Variants in NRXN3 observed in about 807,000 individuals in gnomAD.
The protein encoded by NRXN3 is neurexin 3, also known as neurexin III.
In NRXN3, 32 loss-of-function variants were observed where a neutral mutation model predicts 137.6. That is an observed-to-expected ratio of 0.23 (90% CI 0.18 to 0.31). NRXN3 has a LOEUF of 0.31. Ranked by LOEUF, NRXN3 falls within the 10% of genes least tolerant of loss-of-function variation. The pLI is 1.00. For synonymous variants in NRXN3, 798 were observed against 784.5 expected (o/e 1.02, Z -0.29); for missense variants, 1,574 against 2,062.5 (o/e 0.76, Z 4.59).
chr14:79,055,432 A>G (rs1472381516), intron 15 of NRXN3, among the ~76,000 whole-genome samples: 1 of 152,228 alleles, frequency 6.6e-6, no homozygotes, highest in African/African-American at 2.4e-5. Flanking sequence ...TGATGGAATC[A>G]AATGATGTAA....
At chr14:78,225,958 T>G (rs2064518646) in intron 1 of NRXN3, among the ~76,000 whole-genome samples, 2 of 132,100 alleles carry the variant, frequency 1.5e-5, no homozygotes, top group South Asian at 2.4e-4. Context: ...TTTTGGTGTG[T>G]GTGTGTGTGT....
intron 16 of NRXN3, among the ~76,000 whole-genome samples, chr14:79,469,048 C>T: frequency 6.6e-6 from 1 of 152,338 alleles, no homozygotes; most frequent in East Asian, 1.9e-4. Flanking sequence ...GAGATTTATG[C>T]TACATATAAC....
chr14:78,769,578 T>G (rs932856966), intron 8 of NRXN3, among the ~76,000 whole-genome samples: 3 of 152,204 alleles, frequency 2.0e-5, no homozygotes, highest in African/African-American at 7.2e-5. Context: ...TAGTTGCTCT[T>G]TAGGAGCTCA....
chr14:79,732,319 A>T (rs549908137), intron 19 of NRXN3, among the ~76,000 whole-genome samples: 1 of 152,296 alleles, frequency 6.6e-6, no homozygotes, highest in East Asian at 1.9e-4. Context: ...GTTTACCCTA[A>T]GTTTGATACG....
chr14:79,009,512 T>G (rs1343513116), intron 15 of NRXN3, among the ~76,000 whole-genome samples: 1 of 152,158 alleles, frequency 6.6e-6, no homozygotes, highest in Non-Finnish European at 1.5e-5. Flanking sequence ...AAGAGAGCCC[T>G]CCTTTTCCTC....
At chr14:78,407,926 C>A (rs2153661620) in intron 4 of NRXN3, among the ~76,000 whole-genome samples, 1 of 152,254 alleles carries the variant, frequency 6.6e-6, no homozygotes, top group Non-Finnish European at 1.5e-5. Context: ...CCATAAATAG[C>A]ATTTGAACAA....
chr14:78,843,407 C>T (rs2152454277), intron 10 of NRXN3, among the ~76,000 whole-genome samples: 2 of 152,180 alleles, frequency 1.3e-5, no homozygotes, highest in South Asian at 4.1e-4. Flanking sequence ...ATGACTTTGG[C>T]TCCATGTATA....
chr14:79,782,546 T>G (rs372250718), intron 19 of NRXN3, among the ~76,000 whole-genome samples: 3 of 152,328 alleles, frequency 2.0e-5, no homozygotes, highest in East Asian at 3.9e-4. Context: ...ATGGATGGTA[T>G]TTGTTTCATT....
chr14:79,622,938 T>G (rs904328458), intron 16 of NRXN3, among the ~76,000 whole-genome samples: 5 of 152,236 alleles, frequency 3.3e-5, no homozygotes, highest in African/African-American at 1.2e-4. Flanking sequence ...TGAGTATCTA[T>G]TATTTGATCT....
At chr14:79,666,234 GTTCT>G (rs1404918881) in intron 17 of NRXN3, among the ~76,000 whole-genome samples, 1 of 151,864 alleles carries the variant, frequency 6.6e-6, no homozygotes, top group Non-Finnish European at 1.5e-5. Context: ...CTGTTTTGTT[GTTCT>G]TTAAGAAGAT....
chr14:78,186,771 A>G (rs1461430820), intron 1 of NRXN3, among the ~76,000 whole-genome samples: 3 of 151,988 alleles, frequency 2.0e-5, no homozygotes, highest in Admixed American at 1.3e-4. Context: ...GCAGTAGGGG[A>G]GATAAAAGGG....
At chr14:79,616,590 C>G (rs548759938) in intron 16 of NRXN3, among the ~76,000 whole-genome samples, 9 of 152,218 alleles carry the variant, frequency 5.9e-5, no homozygotes, top group South Asian at 2.1e-4. Flanking sequence ...GCAAAATAAT[C>G]TGTACACCAA....
chr14:78,229,931 C>A (rs2065159390), intron 1 of NRXN3, among the ~76,000 whole-genome samples: 1 of 152,148 alleles, frequency 6.6e-6, no homozygotes, highest in Admixed American at 6.6e-5. Flanking sequence ...CTCACTGGGT[C>A]ACTGTTCCCT....
chr14:79,862,271 T>G lies in NRXN3; in HGVS notation c.*307T>G. On this transcript the variant is annotated 3_prime_UTR_variant, in exon 21 of 21. Transcript: ENST00000335750. ...TGGAGCCGGACGGTGGCTCCACCAC[T>G]TCCGCAGGCCTGGAAACTTCCTTCT... is the stretch of plus-strand genomic sequence containing the variant. The G allele has an allele frequency of 4.3e-6, 1 of 235,238 alleles. No individual in the cohort carries two copies. The highest frequency in any genetic ancestry group is 8.4e-6 in the Non-Finnish European group (1 of 119,506). 14.6% of individuals were successfully genotyped at this position (235,238 alleles called of 1,614,324 possible). A position where few individuals can be genotyped will look rare whatever the true frequency, so the allele number is the denominator to read the frequency against.
At chr14:78,236,737 C>CA (rs1491165389) in intron 1 of NRXN3, among the ~76,000 whole-genome samples, 2 of 145,466 alleles carry the variant, frequency 1.4e-5, no homozygotes, top group African/African-American at 5.0e-5. Flanking sequence ...ATTCCCCCCC[C>CA]CCTTTTTTTT....
At chr14:78,470,880 T>G (rs945581364) in intron 4 of NRXN3, among the ~76,000 whole-genome samples, 2 of 152,162 alleles carry the variant, frequency 1.3e-5, no homozygotes, top group Non-Finnish European at 2.9e-5. Context: ...ATTTCACAGA[T>G]GGAAAAATTG....
intron 4 of NRXN3, among the ~76,000 whole-genome samples, chr14:78,611,992 C>T (rs2097304453): frequency 6.6e-6 from 1 of 152,156 alleles, no homozygotes; most frequent in Admixed American, 6.6e-5. Flanking sequence ...ATTATATAAT[C>T]ATGAAATCTT....
At chr14:78,955,204 A>G (rs904846956) in intron 10 of NRXN3, among the ~76,000 whole-genome samples, 2 of 152,146 alleles carry the variant, frequency 1.3e-5, no homozygotes, top group African/African-American at 4.8e-5. Flanking sequence ...CATGTAGAAT[A>G]AAGAGGATAA....
At chr14:79,135,404 T>C (rs935609350) in intron 15 of NRXN3, among the ~76,000 whole-genome samples, 1 of 152,188 alleles carries the variant, frequency 6.6e-6, no homozygotes, top group Non-Finnish European at 1.5e-5. Context: ...CTAAAGAGTT[T>C]TGAAAAATAA....
Sources: gnomAD v4.1 joint callset for allele counts (sites outside exome capture counted in the v4.1 genomes callset) on GRCh38, gnomAD v4.1.1 for gene constraint, MANE v1.5 for transcripts, NCBI Gene and HGNC (gene_info 2026-07-23, HGNC 2026-07-21) for gene names.